Variants in DENND4C observed in about 807,000 individuals in gnomAD.
DENND4C encodes the protein DENN domain containing 4C.
Under a neutral mutation model 203.0 loss-of-function variants are expected in DENND4C, and 108 were observed. The ratio of observed to expected loss-of-function variants is 0.53; its 90% CI spans 0.46 to 0.62. DENND4C has a LOEUF of 0.62. Among genes scored for constraint, DENND4C ranks in the 20% least tolerant of loss-of-function variants. The probability of loss-of-function intolerance (pLI) is 0.00; values close to 1 mark genes in which losing one functional copy is unlikely to be tolerated. For synonymous variants in DENND4C, 871 were observed against 792.4 expected (o/e 1.10, Z -1.67); for missense variants, 2,481 against 2,301.2 (o/e 1.08, Z -1.60).
At position 19,347,175 on chromosome 9, in the gene DENND4C, C is replaced by T. The variant is rs1411067214; in HGVS notation, c.4317+89C>T. The T allele has an allele frequency of 1.7e-5, 23 of 1,315,736 alleles. 1 individual carries two copies. The South Asian group carries it at 3.3e-4, about 19-fold the overall frequency. 81.5% of individuals were successfully genotyped at this position (1,315,736 alleles called of 1,614,324 possible). On this transcript the variant is annotated intron_variant, in intron 23 of 32. Coordinates refer to ENST00000434457, the MANE Select transcript of DENND4C (RefSeq NM_001330640.2). ...TATATGTATTCTTGTTCAGAGATTT[C>T]TGTGCCCAGGCTGGAGTACAGTGGC...
Position 19,358,718 on chromosome 9 carries a change from C to G in DENND4C, c.5160+558C>G, listed in dbSNP as rs1177886309. Among the ~76,000 whole-genome samples, 2 of 151,798 alleles carry G rather than the reference C, an allele frequency of 1.3e-5. No individual in the cohort carries two copies. Among genetic ancestry groups the G allele is most frequent in the Middle Eastern group, 3.2e-3 (1 of 316 alleles). On this transcript the variant is annotated intron_variant, in intron 28 of 32. Coordinates refer to ENST00000434457, the MANE Select transcript of DENND4C (RefSeq NM_001330640.2). The surrounding 1 kb of genome is among the most constrained non-coding windows in gnomAD (Gnocchi z 4.8). ...GATATAGTTTTTAGTCTTTTTGAAT[C>G]TGTAGACTCTTTTCCTCTTGCAATT...
At chr9:19,364,938 G>C (rs1048330697) in intron 30 of DENND4C, among the ~76,000 whole-genome samples, 5 of 152,130 alleles carry the variant, frequency 3.3e-5, no homozygotes, top group African/African-American at 4.8e-5. Context: ...TGCCCAGGGG[G>C]AGAGGCAGGT....
At chr9:19,258,046 A>G (rs1828413924) in intron 1 of DENND4C, among the ~76,000 whole-genome samples, 1 of 152,108 alleles carries the variant, frequency 6.6e-6, no homozygotes, top group Non-Finnish European at 1.5e-5. Flanking sequence ...TGAGCCTGGG[A>G]GGTTGAGACT....
At position 19,342,791 on chromosome 9, in the gene DENND4C, C is replaced by T. The variant is rs1365024197; in HGVS notation, c.3151+12C>T. ...GAAAAGTAGCACTGGTGAGTCTTTA[C>T]ATTTTGGTTATTAAATATTTAAAAT... On this transcript the variant is annotated intron_variant, in intron 22 of 32. Transcript: ENST00000434457. 15 of 1,565,516 alleles carry T rather than the reference C, an allele frequency of 9.6e-6. No homozygotes were observed. The highest frequency in any genetic ancestry group is 1.3e-5 in the Non-Finnish European group (15 of 1,160,166).
At chr9:19,258,837 T>C (rs567266213) in intron 1 of DENND4C, among the ~76,000 whole-genome samples, 9 of 152,164 alleles carry the variant, frequency 5.9e-5, no homozygotes, top group African/African-American at 1.9e-4. Flanking sequence ...GTATTTTTAT[T>C]AGAGACGGGG....
intron 12 of DENND4C, among the ~76,000 whole-genome samples, chr9:19,319,211 G>GTA (rs1458640868): frequency 8.5e-4 from 119 of 140,370 alleles, no homozygotes; most frequent in East Asian, 2.6e-3. Flanking sequence ...ACACATATAT[G>GTA]TATATATATA....
intron 1 of DENND4C, among the ~76,000 whole-genome samples, chr9:19,272,338 T>C (rs1158796142): frequency 6.6e-6 from 1 of 151,610 alleles, no homozygotes; most frequent in Non-Finnish European, 1.5e-5. Context: ...GAGAATCACT[T>C]GAACCTGGGA....
chr9:19,324,473 C>G lies in DENND4C; in HGVS notation c.1919C>G (p.Thr640Ser), dbSNP rs778604109. Residue 640 changes from threonine to serine, a missense_variant, in exon 13 of 33, where the codon ACT (threonine) becomes AGT (serine). Physicochemically the swap from Thr to Ser is moderately conservative, Grantham distance 58. Coordinates refer to ENST00000434457, the MANE Select transcript of DENND4C (RefSeq NM_001330640.2). ...EECSFVSDKD[T>S]GLAFFDDCIE... ...TGCAGTTTTGTAAGTGATAAAGATACTGGATTAGCATTTTTTGATGACTGC... is the reference window on the plus strand; with the variant it reads ...TGCAGTTTTGTAAGTGATAAAGATAGTGGATTAGCATTTTTTGATGACTGC... The G allele has an allele frequency of 6.2e-7, 1 of 1,609,190 alleles. No homozygotes were observed. The highest frequency in any genetic ancestry group is 1.1e-5 in the South Asian group (1 of 90,164).
intron 1 of DENND4C, among the ~76,000 whole-genome samples, chr9:19,249,963 A>G (rs1826157491): frequency 1.3e-5 from 2 of 152,180 alleles, no homozygotes; most frequent in Middle Eastern, 3.2e-3. Flanking sequence ...TAGCCAGGTC[A>G]AGATTTTTTT....
chr9:19,348,281 G>C (rs966877720), intron 23 of DENND4C, among the ~76,000 whole-genome samples: 2 of 152,188 alleles, frequency 1.3e-5, no homozygotes, highest in Non-Finnish European at 2.9e-5. Context: ...ACTATGATTT[G>C]AAGTCAGAGA....
chr9:19,330,949 A>C (rs551125751), intron 16 of DENND4C, among the ~76,000 whole-genome samples: 2 of 151,638 alleles, frequency 1.3e-5, no homozygotes, highest in African/African-American at 4.8e-5. Flanking sequence ...CCAGCTACTC[A>C]GGAGGCTGAG....
Position 19,230,727 on chromosome 9 carries a change from A to G in DENND4C, c.-124A>G, listed in dbSNP as rs919531321. ...TGAGGCGGCGGCGGCCGCTGGAGCT[A>G]GTCCCCCGCCCTGCCCTGCCGAGCG... On this transcript the variant is annotated 5_prime_UTR_variant, in exon 1 of 33. Transcript: ENST00000434457. 2.0e-5 allele frequency: 3 copies of G among 152,114 alleles called. No individual in the cohort carries two copies. Among genetic ancestry groups the G allele is most frequent in the African/African-American group, 7.2e-5 (3 of 41,418 alleles). 9.4% of individuals were successfully genotyped at this position (152,114 alleles called of 1,614,324 possible). A position where few individuals can be genotyped will look rare whatever the true frequency, so the allele number is the denominator to read the frequency against.
chr9:19,312,390 A>G (rs1395674155), intron 10 of DENND4C, among the ~76,000 whole-genome samples: 1 of 152,226 alleles, frequency 6.6e-6, no homozygotes, highest in African/African-American at 2.4e-5. Context: ...GGTGTGAGCC[A>G]CCATGCCCGG....
intron 25 of DENND4C, 145 bp downstream of exon 25, chr9:19,352,327 A>G: frequency 1.0e-6 from 1 of 992,696 alleles, no homozygotes; most frequent in Non-Finnish European, 1.5e-6. Context: ...GTCTTATGTA[A>G]GTAAGACATT....
At chr9:19,353,672 C>T (rs919083041) in intron 26 of DENND4C, among the ~76,000 whole-genome samples, 3 of 150,894 alleles carry the variant, frequency 2.0e-5, no homozygotes, top group African/African-American at 7.3e-5. Context: ...ATGGCTCATG[C>T]CTGTAATCCC....
intron 26 of DENND4C, among the ~76,000 whole-genome samples, chr9:19,352,931 C>G (rs1318082192): frequency 6.6e-6 from 1 of 152,024 alleles, no homozygotes; most frequent in Admixed American, 6.6e-5. Context: ...GTCAGGAGTT[C>G]AAGACCAGCC....
At chr9:19,266,750 G>A (rs541976757) in intron 1 of DENND4C, among the ~76,000 whole-genome samples, 3 of 152,258 alleles carry the variant, frequency 2.0e-5, no homozygotes, top group South Asian at 4.1e-4. Flanking sequence ...TTAATAAATG[G>A]TGCTGGGAAA....
chr9:19,276,861 T>C (rs887142852), intron 2 of DENND4C, among the ~76,000 whole-genome samples: 1 of 152,158 alleles, frequency 6.6e-6, no homozygotes, highest in Non-Finnish European at 1.5e-5. Flanking sequence ...TGAGTTTTTG[T>C]GAAGACCTGT....
intron 12 of DENND4C, among the ~76,000 whole-genome samples, chr9:19,321,831 C>G (rs1329896644): frequency 1.2e-5 from 1 of 86,872 alleles, no homozygotes. Context: ...GACTCCATCT[C>G]AAAAAAAAAA....
Sources: gnomAD v4.1 joint callset for allele counts (sites outside exome capture counted in the v4.1 genomes callset) on GRCh38, gnomAD v4.1.1 for gene constraint, Gnocchi (gnomAD v3.1) non-coding constraint, MANE v1.5 for transcripts, NCBI Gene and HGNC (gene_info 2026-07-23, HGNC 2026-07-21) for gene names.